The following MMP9 variants were observed in gnomAD, a reference collection of about 807,000 sequenced individuals.
MMP9 encodes matrix metallopeptidase 9.
In MMP9, 73 loss-of-function variants were observed where a neutral mutation model predicts 76.4. The observed-to-expected ratio is 0.96, with a 90% CI of 0.79 to 1.16. The LOEUF is 1.16. Among genes scored for constraint, MMP9 ranks in the 50% most tolerant of loss-of-function variants. MMP9 has a pLI of 0.00. For synonymous variants in MMP9, 412 were observed against 408.4 expected, an observed-to-expected ratio of 1.01 and a Z score of -0.11; for missense variants, 943 against 973.0, an observed-to-expected ratio of 0.97 and a Z score of 0.41.
At chr20:46,012,710 C>A in intron 8 of MMP9, 128 bp downstream of exon 8, 1 of 1,376,144 alleles carries the variant, frequency 7.3e-7, no homozygotes. Flanking sequence ...CAACGTCTGT[C>A]TGGAAGCAGA....
At position 46,012,418 on chromosome 20, in the gene MMP9, T is replaced by G; in HGVS notation, c.1175-9T>G. 3.1e-6 allele frequency: 5 copies of G among 1,614,010 alleles called. No individual in the cohort carries two copies. Among genetic ancestry groups the G allele is most frequent in the Non-Finnish European group, 4.2e-6 (5 of 1,179,934 alleles). ...CGGCGCTCACGTCTCAGGCTCCCTC[T>G]CCCTCCAGGATACAGTTTGTTCCTC... On this transcript the variant is annotated splice_polypyrimidine_tract_variant and intron_variant, in intron 7 of 12. Coordinates refer to ENST00000372330, the MANE Select transcript of MMP9 (RefSeq NM_004994.3).
rs1261652427 is a variant in MMP9, at chr20:46,012,206, A to G, written c.1067A>G (p.Lys356Arg). 3 of 1,614,016 alleles carry G rather than the reference A, an allele frequency of 1.9e-6. No homozygotes were observed. Among genetic ancestry groups the G allele is most frequent in the East Asian group, 2.2e-5 (1 of 44,880 alleles). Reference sequence around the variant, plus strand: ...GTCTTCCCCTTCACTTTCCTGGGTAAGGAGTACTCGACCTGTACCAGCGAG... The same window carrying G: ...GTCTTCCCCTTCACTTTCCTGGGTAGGGAGTACTCGACCTGTACCAGCGAG... The part of the protein sequence containing the change: ...LCVFPFTFLG[K>R]EYSTCTSEGR... Residue 356 changes from lysine (K) to arginine (R), a missense_variant, in exon 7 of 13, where the codon AAG (lysine) becomes AGG (arginine). Lys to Arg is a conservative substitution (Grantham distance 26, BLOSUM62 2). Coordinates refer to ENST00000372330, the MANE Select transcript of MMP9 (RefSeq NM_004994.3).
At chr20:46,010,334 A>AAACAAACAAAC in intron 2 of MMP9, 149 bp from the exon 3 acceptor site, 9 of 518,224 alleles carry the variant, frequency 1.7e-5, no homozygotes, top group Middle Eastern at 4.1e-4. Context: ...AAAAAAAAAA[A>AAACAAACAAAC]AAAAAAACAG....
At chr20:46,009,524 C>T (rs1457366550) in intron 1 of MMP9, among the ~76,000 whole-genome samples, 1 of 152,056 alleles carries the variant, frequency 6.6e-6, no homozygotes, top group Non-Finnish European at 1.5e-5. Context: ...TGACGGCTCA[C>T]ACTTGTAATC....
chr20:46,009,854 C>T lies in MMP9; in HGVS notation c.139-12C>T. 7 of 1,550,964 alleles carry T rather than the reference C, an allele frequency of 4.5e-6. No individual in the cohort carries two copies. Among genetic ancestry groups the T allele is most frequent in the Non-Finnish European group, 6.1e-6 (7 of 1,146,286 alleles). ...TCAGAGATCTGGCATGTGTGTGTCC[C>T]TTCATCCACAGGAATACCTGTACCG... On this transcript the variant is annotated splice_polypyrimidine_tract_variant and intron_variant, in intron 1 of 12. Coordinates refer to ENST00000372330, the MANE Select transcript of MMP9 (RefSeq NM_004994.3).
Position 46,012,104 on chromosome 20 carries a change from A to G in MMP9, c.998-33A>G, listed in dbSNP as rs377600705. On this transcript the variant is annotated intron_variant, in intron 6 of 12. Transcript: ENST00000372330. Reference sequence around the variant, plus strand: ...CCCTGACTCCTTATTGGACTCATCCATCTGGCTCATCCAAGGCCTTGGGTC... The same window carrying G: ...CCCTGACTCCTTATTGGACTCATCCGTCTGGCTCATCCAAGGCCTTGGGTC... 64 of 1,610,746 alleles carry G rather than the reference A, an allele frequency of 4.0e-5. No individual in the cohort carries two copies. In the African/African-American group the frequency reaches 7.9e-4, roughly 20 times the overall value.
chr20:46,014,431 C>T lies in MMP9; in HGVS notation c.1962C>T (p.Phe654=). 1 of 1,550,426 alleles carries T rather than the reference C, an allele frequency of 6.4e-7. No individual in the cohort carries two copies. Among genetic ancestry groups the T allele is most frequent in the Non-Finnish European group, 8.7e-7 (1 of 1,146,976 alleles). ...PRSASEVDRM[F]PGVPLDTHDV... is the part of the protein sequence containing the mutation. ...GCGCCAGCGAGGTGGACCGGATGTT[C>T]CCCGGGGTGCCTTTGGACACGCACG... is the stretch of plus-strand genomic sequence containing the variant. Residue 654 remains phenylalanine (F), a synonymous_variant, in exon 12 of 13, where the codon TTC becomes TTT. Coordinates refer to ENST00000372330, the MANE Select transcript of MMP9 (RefSeq NM_004994.3).
chr20:46,016,171 G>C (rs920644640), intron 12 of MMP9, 79 bp from the exon 13 acceptor site: 4 of 1,316,692 alleles, frequency 3.0e-6, no homozygotes, highest in Non-Finnish European at 4.4e-6. Context: ...AGAAGAGATG[G>C]TTGTCAAGAT....
In MMP9 at chr20:46,014,475, G is replaced by T. The variant is rs1193360622; in HGVS notation, c.2005+1G>T. 2 of 1,549,734 alleles carry T rather than the reference G, an allele frequency of 1.3e-6. No homozygotes were observed. The highest frequency in any genetic ancestry group is 2.0e-5 in the Admixed American group (1 of 50,992). On this transcript the variant is annotated splice_donor_variant, in intron 12 of 12. Coordinates refer to ENST00000372330, the MANE Select transcript of MMP9 (RefSeq NM_004994.3). LOFTEE classifies it high-confidence loss of function. ...ACGCACGACGTCTTCCAGTACCGAG[G>T]TGAGGGCTGAGGAGGATCCCTTCGT...
chr20:46,008,947 G>A lies in MMP9; in HGVS notation c.21G>A (p.Leu7=), dbSNP rs2084258191. The change falls in exon 1 of 13, where the codon CTG becomes CTA. Residue 7 remains leucine (L), a synonymous_variant. Coordinates refer to ENST00000372330, the MANE Select transcript of MMP9 (RefSeq NM_004994.3). MSLWQP[L]VLVLLVLGCC... is the part of the protein sequence containing the mutation. ...TCACCATGAGCCTCTGGCAGCCCCT[G>A]GTCCTGGTGCTCCTGGTGCTGGGCT... 6.2e-7 allele frequency: 1 copy of A among 1,613,814 alleles called. No homozygotes were observed. Among genetic ancestry groups the A allele is most frequent in the Admixed American group, 1.7e-5 (1 of 59,986 alleles).
In MMP9 at chr20:46,013,815, C is replaced by G. The variant is rs1349870907; in HGVS notation, c.1750+19C>G. On this transcript the variant is annotated intron_variant, in intron 10 of 12. Transcript: ENST00000372330. This position sits in a 1 kb window ranked among gnomAD's most constrained non-coding sequence, Gnocchi z 4.5. ...TTCTCTGGTTAGTTACCTACTTTCCCTCCCCCGCCCGGTCAATCCCCATCA... is the reference window on the plus strand; with the variant it reads ...TTCTCTGGTTAGTTACCTACTTTCCGTCCCCCGCCCGGTCAATCCCCATCA... 6.2e-7 allele frequency: 1 copy of G among 1,611,610 alleles called. No homozygotes were observed. Among genetic ancestry groups the G allele is most frequent in the African/African-American group, 1.3e-5 (1 of 74,994 alleles).
At chr20:46,016,096 C>T (rs1266870751) in intron 12 of MMP9, among the ~76,000 whole-genome samples, 154 bp from the exon 13 acceptor site, 1 of 152,240 alleles carries the variant, frequency 6.6e-6, no homozygotes, top group Non-Finnish European at 1.5e-5. Flanking sequence ...CAGAACCTCA[C>T]AGCATCTCAC....
At chr20:46,012,686 G>C in intron 8 of MMP9, 104 bp downstream of exon 8, 5 of 1,510,138 alleles carry the variant, frequency 3.3e-6, no homozygotes, top group Non-Finnish European at 4.5e-6. Flanking sequence ...GGGCGTGCAG[G>C]AGAGGTGGGA....
Position 46,013,283 on chromosome 20 carries a change from TC to T in MMP9, c.1361del (p.Pro454GlnfsTer56). ...CTCGCCCTGAACCTGAGCCACGGCC[TC>T]CAACCACCACCACACCGCAGCCCAC... ...GPRPEPEPRP[P>X]TTTTPQPTAP... On this transcript the variant is annotated frameshift_variant, in exon 9 of 13. Transcript: ENST00000372330. LOFTEE classifies it high-confidence loss of function. The surrounding 1 kb of genome is among the most constrained non-coding windows in gnomAD (Gnocchi z 4.5). 2 of 1,613,922 alleles carry T rather than the reference TC, an allele frequency of 1.2e-6. No homozygotes were observed. Among genetic ancestry groups the T allele is most frequent in the South Asian group, 2.2e-5 (2 of 91,078 alleles).
Position 46,013,515 on chromosome 20 carries a change from C to T in MMP9, c.1591C>T (p.Leu531=), listed in dbSNP as rs141884644. The T allele has an allele frequency of 6.8e-5, 109 of 1,614,082 alleles. No individual in the cohort carries two copies. In the African/African-American group the frequency reaches 1.2e-3, roughly 18 times the overall value. Residue 531 remains leucine, a synonymous_variant, in exon 9 of 13, where the codon CTG becomes TTG. Coordinates refer to ENST00000372330, the MANE Select transcript of MMP9 (RefSeq NM_004994.3). The surrounding 1 kb of genome is among the most constrained non-coding windows in gnomAD (Gnocchi z 4.5). ...CGCCATCGCGGAGATTGGGAACCAG[C>T]TGTATTTGTTCAAGGATGGGTGAGG... ...FDAIAEIGNQ[L]YLFKDGKYWR...
intron 2 of MMP9, 150 bp from the exon 3 acceptor site, chr20:46,010,333 A>AAAAAAAAAAAAAAAAAAACC (rs796972949): frequency 1.2e-6 from 1 of 827,446 alleles, no homozygotes; most frequent in African/African-American, 2.2e-5. Flanking sequence ...AAAAAAAAAA[A>AAAAAAAAAAAAAAAAAAACC]AAAAAAAACA....
rs1165680725 is a variant in MMP9, at chr20:46,012,431, C to T, written c.1179C>T (p.Tyr393=). 3 of 1,613,998 alleles carry T rather than the reference C, an allele frequency of 1.9e-6. No homozygotes were observed. Among genetic ancestry groups the T allele is most frequent in the Non-Finnish European group, 2.5e-6 (3 of 1,179,994 alleles). Residue 393 remains tyrosine, a synonymous_variant, in exon 8 of 13, where the codon TAC becomes TAT. Transcript: ENST00000372330. The stretch of plus-strand genomic sequence containing the variant: ...TCAGGCTCCCTCTCCCTCCAGGATA[C>T]AGTTTGTTCCTCGTGGCGGCGCATG... ...KKWGFCPDQG[Y]SLFLVAAHEF...
chr20:46,014,522 C>T, intron 12 of MMP9, 48 bp downstream of exon 12: 1 of 1,507,410 alleles, frequency 6.6e-7, no homozygotes. Context: ...CTAAGCTCCT[C>T]TTAGTGAGTG....
intron 8 of MMP9, 74 bp downstream of exon 8, chr20:46,012,656 T>TGGGTTGGGGGGTG: frequency 1.0e-6 from 1 of 969,064 alleles, no homozygotes; most frequent in Non-Finnish European, 1.5e-6. Flanking sequence ...AATTGGGGGT[T>TGGGTTGGGGGGTG]GGGGATCGGG....
Sources: gnomAD v4.1 joint callset for allele counts (sites outside exome capture counted in the v4.1 genomes callset) on GRCh38, gnomAD v4.1.1 for gene constraint, Gnocchi (gnomAD v3.1) non-coding constraint, MANE v1.5 for transcripts, NCBI Gene and HGNC (gene_info 2026-07-23, HGNC 2026-07-21) for gene names.